Variants in REPS2 observed in about 807,000 individuals in gnomAD.
REPS2 encodes ralBP1-associated Eps domain-containing protein 2.
A neutral mutation model predicts 53.6 loss-of-function variants in REPS2; 23 were observed. That is an observed-to-expected ratio of 0.43 (90% confidence interval 0.31 to 0.61). The LOEUF (loss-of-function observed/expected upper bound fraction) is 0.61. Among genes scored for constraint, REPS2 ranks in the 20% least tolerant of loss-of-function variants. The probability of loss-of-function intolerance (pLI) is 0.11; values close to 1 mark genes in which losing one functional copy is unlikely to be tolerated. For synonymous variants in REPS2, 238 were observed against 218.6 expected, an observed-to-expected ratio of 1.09 and a Z score of -0.78; for missense variants, 446 against 534.9, an observed-to-expected ratio of 0.83 and a Z score of 1.64.
chrX:17,192,467 T>C, the REPS2 span, among the ~76,000 whole-genome samples: 1 of 111,663 alleles, frequency 9.0e-6, no homozygotes, highest in Non-Finnish European at 1.9e-5. Context: ...CAATAATCTG[T>C]TGGGTGGAGT....
rs1350655122 is a variant in REPS2, at chrX:17,069,951, A to G, written c.1291A>G (p.Thr431Ala). 1 of 1,140,852 alleles carries G rather than the reference A, an allele frequency of 8.8e-7. No individual in the cohort carries two copies. The allele number at this position is 1,140,852 out of a possible 1,213,427, so 94.0% of individuals were successfully genotyped here. ...TSDDKQALKS[T>A]INEALPKDVS... ...CAAAACACAACTAGCTTTGAAAAGTACTATCAATGAAGCCTTACCAAAGGA... is the reference window on the plus strand; with the variant it reads ...CAAAACACAACTAGCTTTGAAAAGTGCTATCAATGAAGCCTTACCAAAGGA... The change falls in exon 11 of 18, where the codon ACT (threonine) becomes GCT (alanine). Residue 431 changes from threonine to alanine, a missense_variant. Thr to Ala is a moderately conservative substitution (Grantham distance 58). Coordinates refer to ENST00000357277, the MANE Select transcript of REPS2 (RefSeq NM_004726.3).
At chrX:17,172,130 T>G in the REPS2 span, among the ~76,000 whole-genome samples, 1 of 111,862 alleles carries the variant, frequency 8.9e-6, no homozygotes, top group Non-Finnish European at 1.9e-5. Flanking sequence ...TTTAAGAAAA[T>G]ACAATACTTG....
At chrX:17,164,433 G>A in the REPS2 span, among the ~76,000 whole-genome samples, 4 of 112,341 alleles carry the variant, frequency 3.6e-5, no homozygotes, top group South Asian at 1.5e-3. Context: ...AAAAGAGCTA[G>A]AGTGGCTCTA....
chrX:16,947,581 G>A (rs1298150187), intron 1 of REPS2, among the ~76,000 whole-genome samples: 1 of 111,925 alleles, frequency 8.9e-6, no homozygotes. Context: ...TGTCCGTAGG[G>A]TTCGAGGCCC....
chrX:16,949,113 C>G (rs1326595592), intron 1 of REPS2, among the ~76,000 whole-genome samples: 2 of 110,890 alleles, frequency 1.8e-5, no homozygotes, highest in Non-Finnish European at 3.8e-5. Context: ...TGTGTGTATG[C>G]TCCATCCACT....
chrX:17,052,452 A>G lies in REPS2; in HGVS notation c.971+7A>G, dbSNP rs1266715326. On this transcript the variant is annotated splice_region_variant and intron_variant, in intron 7 of 17. Coordinates refer to ENST00000357277, the MANE Select transcript of REPS2 (RefSeq NM_004726.3). ...CAGAACTCTCCTATATATGGTAAGT[A>G]CAATTAATGCCATATGACATTCATA... The G allele has an allele frequency of 2.6e-6, 3 of 1,170,227 alleles. No homozygotes were observed. The highest frequency in any genetic ancestry group is 4.5e-5 in the Admixed American group (2 of 43,995).
chrX:17,041,125 C>T (rs2061825019), intron 5 of REPS2, among the ~76,000 whole-genome samples: 1 of 111,822 alleles, frequency 8.9e-6, no homozygotes, highest in African/African-American at 3.3e-5. Context: ...GTCACTGTGC[C>T]ATCGTCTGTT....
Position 17,138,960 on chromosome X carries a change from A to C in REPS2, c.1913A>C (p.Lys638Thr). The C allele has an allele frequency of 8.6e-7, 1 of 1,164,549 alleles. No homozygotes were observed. Among genetic ancestry groups the C allele is most frequent in the Non-Finnish European group, 1.2e-6 (1 of 868,166 alleles). ...RLNSELQQQL[K>T]EVHQERIALE... ...AACAGTGAGCTCCAGCAGCAGCTCA[A>C]GGTAAGGAATGAGTCCCAGATTTGG... Residue 638 changes from lysine (K) to threonine (T), a missense_variant and splice_region_variant, in exon 17 of 18, where the codon AAG (lysine) becomes ACG (threonine). Lys to Thr is a moderately conservative substitution (Grantham distance 78). Transcript: ENST00000357277.
rs1468908861 is a variant in REPS2, at chrX:17,120,116, C to A, written c.1579-13708C>A. 1.8e-5 allele frequency among the ~76,000 whole-genome samples: 2 copies of A among 111,339 alleles called. 1 individual carries two copies. The highest frequency in any genetic ancestry group is 6.5e-5 in the African/African-American group (2 of 30,586). On this transcript the variant is annotated intron_variant, in intron 14 of 17. Coordinates refer to ENST00000357277, the MANE Select transcript of REPS2 (RefSeq NM_004726.3). Reference sequence around the variant, plus strand: ...GGTCTGGAACTCCTGACCTTGTGATCCACCTGCCTTGGCCTCCCAAAGTGT... The same window carrying A: ...GGTCTGGAACTCCTGACCTTGTGATACACCTGCCTTGGCCTCCCAAAGTGT...
the REPS2 span, among the ~76,000 whole-genome samples, chrX:17,192,625 G>T: frequency 9.0e-6 from 1 of 111,239 alleles, no homozygotes; most frequent in South Asian, 3.8e-4. Context: ...TAAAATTTTT[G>T]GTCTAACATT....
At chrX:17,193,344 C>T in the REPS2 span, among the ~76,000 whole-genome samples, 1 of 111,478 alleles carries the variant, frequency 9.0e-6, no homozygotes, top group Non-Finnish European at 1.9e-5. Context: ...TTGAAATATG[C>T]ATGTGTACCC....
intron 1 of REPS2, among the ~76,000 whole-genome samples, chrX:16,991,451 A>G (rs982533171): frequency 3.6e-5 from 4 of 111,993 alleles, no homozygotes; most frequent in South Asian, 3.7e-4. Context: ...GGAGCTATCA[A>G]TTGGCTTTAA....
intron 13 of REPS2, among the ~76,000 whole-genome samples, chrX:17,101,056 CTTT>C (rs547483010): frequency 2.1e-5 from 2 of 96,484 alleles, no homozygotes; most frequent in Non-Finnish European, 2.1e-5. Flanking sequence ...CTTTTTCTTT[CTTT>C]TTTTTTTTTT....
intron 5 of REPS2, among the ~76,000 whole-genome samples, chrX:17,040,376 A>T (rs2061815748): frequency 1.8e-5 from 2 of 112,119 alleles, no homozygotes; most frequent in Admixed American, 1.9e-4. Context: ...CTGTCTCTAG[A>T]CTGGGATTGA....
chrX:17,076,139 G>C (rs1301507208), intron 12 of REPS2, among the ~76,000 whole-genome samples: 1 of 111,918 alleles, frequency 8.9e-6, no homozygotes, highest in Non-Finnish European at 1.9e-5. Context: ...AATTTATTCA[G>C]GAAAATAAAA....
intron 2 of REPS2, among the ~76,000 whole-genome samples, chrX:17,013,195 CCAA>C (rs1253299872): frequency 8.9e-6 from 1 of 112,173 alleles, no homozygotes; most frequent in African/African-American, 3.2e-5. Flanking sequence ...ACCCCCTCTT[CCAA>C]CAACAACAAA....
At chrX:16,997,335 G>A (rs377169821) in intron 1 of REPS2, among the ~76,000 whole-genome samples, 36 of 112,687 alleles carry the variant, frequency 3.2e-4, no homozygotes, top group African/African-American at 1.1e-3. Flanking sequence ...CTCAGTAAAT[G>A]TTAGTTCTTA....
chrX:17,135,354 G>A lies in REPS2; in HGVS notation c.1756G>A (p.Ala586Thr). 4 of 1,211,835 alleles carry A rather than the reference G, an allele frequency of 3.3e-6. No individual in the cohort carries two copies. Among genetic ancestry groups the A allele is most frequent in the Non-Finnish European group, 4.5e-6 (4 of 895,441 alleles). ...AGAAAACCAAGAGCCTTCCACTGCT[G>A]CAAGTGGGCCAGCTTCTGCGGCAAC... ...ATENQEPSTA[A>T]SGPASAATMK... The change falls in exon 16 of 18, where the codon GCA becomes ACA. Residue 586 changes from alanine to threonine, a missense_variant. By Grantham distance (58) the Ala-to-Thr change is moderately conservative. Transcript: ENST00000357277.
chrX:17,043,023 C>T (rs2061854325), intron 5 of REPS2, among the ~76,000 whole-genome samples: 1 of 111,379 alleles, frequency 9.0e-6, no homozygotes, highest in Non-Finnish European at 1.9e-5. Flanking sequence ...TCTCAAACTC[C>T]TAGAGTCAAG....
Sources: gnomAD v4.1 joint callset for allele counts (sites outside exome capture counted in the v4.1 genomes callset) on GRCh38, gnomAD v4.1.1 for gene constraint, MANE v1.5 for transcripts, NCBI Gene and HGNC (gene_info 2026-07-23, HGNC 2026-07-21) for gene names.